Variants in ARHGEF10L observed in about 807,000 individuals in gnomAD.
ARHGEF10L encodes rho guanine nucleotide exchange factor 10-like protein.
In ARHGEF10L, 69 loss-of-function variants were observed where a neutral mutation model predicts 141.2. The observed-to-expected ratio is 0.49, with a 90% CI of 0.40 to 0.60. ARHGEF10L has a LOEUF of 0.60. ARHGEF10L is among the 20% of genes least tolerant of loss of function. The pLI, the probability that ARHGEF10L is intolerant of heterozygous loss-of-function variation, is 0.00. For missense variants in ARHGEF10L, 1,482 were observed against 1,734.3 expected (o/e 0.85, Z 2.58); for synonymous variants, 711 against 718.5 (o/e 0.99, Z 0.17).
At chr1:17,608,055 G>A in intron 7 of ARHGEF10L, 78 bp downstream of exon 7, 1 of 1,293,978 alleles carries the variant, frequency 7.7e-7, no homozygotes. Flanking sequence ...GAGGGAGCTG[G>A]GTAGTGAGGG....
intron 1 of ARHGEF10L, among the ~76,000 whole-genome samples, chr1:17,577,295 C>T (rs755152999): frequency 6.6e-6 from 1 of 152,168 alleles, no homozygotes; most frequent in African/African-American, 2.4e-5. Flanking sequence ...ATCTGCCTGC[C>T]CCGGCCTCCC....
intron 27 of ARHGEF10L, chr1:17,694,878 C>T (rs1451664439): frequency 1.5e-5 from 9 of 611,054 alleles, no homozygotes; most frequent in Non-Finnish European, 2.1e-5. Context: ...ACAGACCAGG[C>T]GCTGTGCCTG....
chr1:17,656,680 G>A lies in ARHGEF10L; in HGVS notation c.2832G>A (p.Gly944=). The A allele has an allele frequency of 6.2e-7, 1 of 1,613,376 alleles. No homozygotes were observed. Residue 944 remains glycine (G), a synonymous_variant, in exon 25 of 29, where the codon GGG becomes GGA. Coordinates refer to ENST00000361221, the MANE Select transcript of ARHGEF10L (RefSeq NM_018125.4). The surrounding 1 kb of genome is among the most constrained non-coding windows in gnomAD (Gnocchi z 4.9). ...PFHLLAGLQD[G]TLAAYPRTSG... is the part of the protein sequence containing the mutation. Reference sequence around the variant, plus strand: ...ACCTGCTCGCTGGCCTGCAGGATGGGACCCTTGCTGCTTACCCTCGGACCA... The same window carrying A: ...ACCTGCTCGCTGGCCTGCAGGATGGAACCCTTGCTGCTTACCCTCGGACCA...
intron 26 of ARHGEF10L, among the ~76,000 whole-genome samples, chr1:17,682,080 T>G (rs975114880): frequency 6.6e-6 from 1 of 152,090 alleles, no homozygotes; most frequent in Non-Finnish European, 1.5e-5. Flanking sequence ...GGGGACCCCT[T>G]CGTGTTGGCT....
chr1:17,652,859 G>C (rs2062013223), intron 22 of ARHGEF10L, among the ~76,000 whole-genome samples: 4 of 152,114 alleles, frequency 2.6e-5, no homozygotes, highest in African/African-American at 7.2e-5. Context: ...AGACCCACAG[G>C]GGGTCTGTGG....
chr1:17,675,035 G>C (rs1313772322), intron 26 of ARHGEF10L, among the ~76,000 whole-genome samples: 2 of 152,170 alleles, frequency 1.3e-5, no homozygotes, highest in Non-Finnish European at 2.9e-5. Context: ...TCTTGACTGT[G>C]GCTTGAGTCT....
At chr1:17,524,292 G>A in the ARHGEF10L span, among the ~76,000 whole-genome samples, 20 of 151,186 alleles carry the variant, frequency 1.3e-4, 1 homozygote, top group African/African-American at 4.4e-4. Flanking sequence ...GTGACAGAGC[G>A]AGACTCCGTC....
intron 21 of ARHGEF10L, among the ~76,000 whole-genome samples, chr1:17,646,215 C>T (rs564797700): frequency 1.3e-5 from 2 of 152,250 alleles, no homozygotes; most frequent in East Asian, 1.9e-4. Context: ...CATTCCAGCT[C>T]CTCTTGCTGT....
chr1:17,577,912 T>C (rs1458866790), intron 1 of ARHGEF10L, among the ~76,000 whole-genome samples: 1 of 152,202 alleles, frequency 6.6e-6, no homozygotes, highest in Non-Finnish European at 1.5e-5. Flanking sequence ...GGTGTCTCTC[T>C]TCCTTTCTAG....
In ARHGEF10L at chr1:17,696,831, C is replaced by T. The variant is rs759500923; in HGVS notation, c.3308-17C>T. ...TGGGCCTTTGGGCCCCTTTCTCTCT[C>T]GCCCCATTTTCTGCAGGGAAAGGCA... is the stretch of plus-strand genomic sequence containing the variant. On this transcript the variant is annotated splice_polypyrimidine_tract_variant and intron_variant, in intron 28 of 28. Transcript: ENST00000361221. 4.8e-5 allele frequency: 73 copies of T among 1,519,582 alleles called. No individual in the cohort carries two copies. The highest frequency in any genetic ancestry group is 1.1e-4 in the Admixed American group (5 of 45,844). The allele number at this position is 1,519,582 out of a possible 1,614,324, so 94.1% of individuals were successfully genotyped here.
At chr1:17,637,633 G>A (rs1292893086) in intron 18 of ARHGEF10L, among the ~76,000 whole-genome samples, 1 of 152,076 alleles carries the variant, frequency 6.6e-6, no homozygotes, top group South Asian at 2.1e-4. Context: ...TGAGTAGCTG[G>A]TACTACAGGT....
chr1:17,689,817 G>T, intron 27 of ARHGEF10L: 1 of 456,024 alleles, frequency 2.2e-6, no homozygotes, highest in South Asian at 1.5e-5. Flanking sequence ...ATCTCGTCTT[G>T]TCTGCGCAGA....
intron 18 of ARHGEF10L, among the ~76,000 whole-genome samples, chr1:17,637,100 C>T (rs1266825447): frequency 6.6e-6 from 1 of 152,198 alleles, no homozygotes; most frequent in Non-Finnish European, 1.5e-5. Context: ...ACTGCTTCCT[C>T]CGCCACTTGT....
At chr1:17,524,396 C>CAT in the ARHGEF10L span, among the ~76,000 whole-genome samples, 2 of 150,418 alleles carry the variant, frequency 1.3e-5, no homozygotes, top group Non-Finnish European at 3.0e-5. Flanking sequence ...CACACACACA[C>CAT]ACACACACAC....
At chr1:17,521,461 G>T in the ARHGEF10L span, among the ~76,000 whole-genome samples, 1 of 152,228 alleles carries the variant, frequency 6.6e-6, no homozygotes, top group Non-Finnish European at 1.5e-5. Context: ...CTCCCAAAGT[G>T]CTGGGATTGC....
At chr1:17,613,023 C>G (rs765964729) in intron 7 of ARHGEF10L, 35 bp from the exon 8 acceptor site, 1 of 1,477,596 alleles carries the variant, frequency 6.8e-7, no homozygotes, top group Admixed American at 1.7e-5. Flanking sequence ...CTCCTCTCAC[C>G]TGCTTTCCTT....
intron 1 of ARHGEF10L, among the ~76,000 whole-genome samples, chr1:17,543,594 A>AT (rs957012412): frequency 7.9e-5 from 12 of 151,684 alleles, no homozygotes; most frequent in African/African-American, 1.5e-4. Flanking sequence ...AAAAAAAAAA[A>AT]TTTTTTTTGA....
chr1:17,591,646 AG>A (rs1291652572), intron 4 of ARHGEF10L, among the ~76,000 whole-genome samples: 1 of 152,116 alleles, frequency 6.6e-6, no homozygotes, highest in Non-Finnish European at 1.5e-5. Context: ...TCCTGACCTC[AG>A]GTGATCCACC....
At chr1:17,632,052 T>C (rs1283004904) in intron 15 of ARHGEF10L, among the ~76,000 whole-genome samples, 1 of 152,218 alleles carries the variant, frequency 6.6e-6, no homozygotes, top group Non-Finnish European at 1.5e-5. Flanking sequence ...CTGGCTCACC[T>C]GAGAAGGGGG....
Sources: gnomAD v4.1 joint callset for allele counts (sites outside exome capture counted in the v4.1 genomes callset) on GRCh38, gnomAD v4.1.1 for gene constraint, Gnocchi (gnomAD v3.1) non-coding constraint, MANE v1.5 for transcripts, NCBI Gene and HGNC (gene_info 2026-07-23, HGNC 2026-07-21) for gene names.